TMEM164: variants seen among roughly 807,000 people sequenced by gnomAD.
TMEM164 encodes the protein transmembrane protein 164.
A neutral mutation model predicts 18.8 loss-of-function variants in TMEM164; 4 were observed. The observed-to-expected ratio is 0.21, with a 90% confidence interval of 0.10 to 0.49. TMEM164 has a LOEUF of 0.49. TMEM164 is among the 20% of genes least tolerant of loss of function. The pLI is 0.98. For missense variants in TMEM164, 108 were observed against 239.9 expected (o/e 0.45, Z 3.63); for synonymous variants, 86 against 101.7 (o/e 0.85, Z 0.93).
rs766492269 is a variant in TMEM164 at position 110,026,428 on chromosome X, G to A, written c.390+22264G>A. ...TGTGGGAGTTCAGTGCCCAGCCTTC[G>A]GGAAAACATGGGTAGGTTTCATTGG... On this transcript the variant is annotated intron_variant, in intron 2 of 6. Coordinates refer to ENST00000372068, the MANE Select transcript of TMEM164 (RefSeq NM_032227.4). 2.0e-4 allele frequency among the ~76,000 whole-genome samples: 22 copies of A among 111,168 alleles called. No homozygotes were observed. The South Asian group carries it at 3.0e-3, about 15-fold the overall frequency.
intron 4 of TMEM164, among the ~76,000 whole-genome samples, chrX:110,115,800 A>G (rs1411451705): frequency 8.9e-6 from 1 of 112,274 alleles, no homozygotes; most frequent in African/African-American, 3.2e-5. Flanking sequence ...TGAAAAAGGA[A>G]AAATCATGGT....
At chrX:110,071,425 G>A (rs1464839695) in intron 3 of TMEM164, among the ~76,000 whole-genome samples, 3 of 109,959 alleles carry the variant, frequency 2.7e-5, no homozygotes, top group Non-Finnish European at 5.7e-5. Flanking sequence ...TAGATTTTCT[G>A]GTTTTGAACT....
At chrX:110,026,328 G>A (rs1029045759) in intron 2 of TMEM164, among the ~76,000 whole-genome samples, 5 of 111,910 alleles carry the variant, frequency 4.5e-5, no homozygotes, top group African/African-American at 1.6e-4. Context: ...GAAATCTCCA[G>A]AGAAAAGGGC....
At chrX:110,016,563 A>C (rs1415404565) in intron 2 of TMEM164, among the ~76,000 whole-genome samples, 2 of 112,475 alleles carry the variant, frequency 1.8e-5, no homozygotes, top group Non-Finnish European at 3.8e-5. Context: ...ACATTTTTGA[A>C]TACACGTTAA....
At chrX:110,132,272 T>C (rs773899858) in intron 4 of TMEM164, among the ~76,000 whole-genome samples, 27 of 112,037 alleles carry the variant, frequency 2.4e-4, no homozygotes, top group African/African-American at 8.8e-4. Flanking sequence ...TAATTTTATT[T>C]ATGTGTGCAT....
chrX:110,042,678 C>T (rs1935147950), intron 2 of TMEM164, among the ~76,000 whole-genome samples: 1 of 112,186 alleles, frequency 8.9e-6, no homozygotes, highest in South Asian at 3.7e-4. Context: ...CATATCCTCA[C>T]CAGCACTTGT....
chrX:110,094,938 A>G (rs956353967), intron 3 of TMEM164, among the ~76,000 whole-genome samples: 1 of 111,347 alleles, frequency 9.0e-6, no homozygotes, highest in African/African-American at 3.3e-5. Context: ...TCACTTATGA[A>G]GCTTAGTTTG....
chrX:110,003,032 A>G (rs1602452615), upstream of TMEM164: 1 of 76,717 alleles, frequency 1.3e-5, no homozygotes, highest in African/African-American at 5.1e-5. Flanking sequence ...CGGAGGGTGG[A>G]GCTGGGGGTT....
At chrX:110,145,589 G>A (rs2066842197) in intron 5 of TMEM164, among the ~76,000 whole-genome samples, 1 of 112,011 alleles carries the variant, frequency 8.9e-6, no homozygotes, top group Admixed American at 9.4e-5. Flanking sequence ...AAGGCCCTGT[G>A]ACTGGAAGTC....
At position 110,109,938 on chromosome X, in the gene TMEM164, A is replaced by G. The variant is rs150850886; in HGVS notation, c.507+792A>G. ...AGAAATCACTTATAAAATTATTACTACTGCTTTCTGACTTAAATTTGCCTT... is the reference window on the plus strand; with the variant it reads ...AGAAATCACTTATAAAATTATTACTGCTGCTTTCTGACTTAAATTTGCCTT... On this transcript the variant is annotated intron_variant, in intron 4 of 6. Coordinates refer to ENST00000372068, the MANE Select transcript of TMEM164 (RefSeq NM_032227.4). Among the ~76,000 whole-genome samples, 408 of 112,680 alleles carry G rather than the reference A, an allele frequency of 3.6e-3. 4 individuals carry two copies. Among genetic ancestry groups the G allele is most frequent in the African/African-American group, 0.013 (392 of 31,058 alleles).
At chrX:110,009,577 A>G (rs1209264035) in intron 2 of TMEM164, among the ~76,000 whole-genome samples, 1 of 112,147 alleles carries the variant, frequency 8.9e-6, no homozygotes, top group Admixed American at 9.4e-5. Flanking sequence ...AGAGCTGAAT[A>G]TAATACTGTA....
intron 5 of TMEM164, among the ~76,000 whole-genome samples, chrX:110,148,675 ATTTTTT>A (rs373500523): frequency 3.1e-4 from 21 of 67,893 alleles, no homozygotes; most frequent in African/African-American, 9.8e-4. Context: ...CACCCGGCTC[ATTTTTT>A]TTTTTTTTTT....
intron 3 of TMEM164, among the ~76,000 whole-genome samples, chrX:110,093,583 CT>C (rs1430807080): frequency 1.8e-5 from 2 of 111,471 alleles, no homozygotes; most frequent in Non-Finnish European, 3.8e-5. Context: ...CTCTTTTCTT[CT>C]TTATTAGGCT....
At chrX:110,094,504 C>T (rs768453991) in intron 3 of TMEM164, among the ~76,000 whole-genome samples, 21 of 111,342 alleles carry the variant, frequency 1.9e-4, no homozygotes, top group African/African-American at 6.5e-4. Flanking sequence ...AGGATTGCAA[C>T]CCCTGCTTTT....
intron 3 of TMEM164, among the ~76,000 whole-genome samples, chrX:110,107,269 C>G (rs2066217776): frequency 9.0e-6 from 1 of 111,648 alleles, no homozygotes; most frequent in Admixed American, 9.5e-5. Context: ...GTTTTGAATT[C>G]TGACTCTACT....
In TMEM164 at chrX:110,092,970, T is replaced by C. The variant is rs764045842; in HGVS notation, c.441-16110T>C. Among the ~76,000 whole-genome samples the C allele has an allele frequency of 4.5e-5, 5 of 112,043 alleles. No individual in the cohort carries two copies. In the South Asian group the frequency reaches 1.9e-3, roughly 42 times the overall value. ...TTTTCTGCATCTATTGAGATAATCG[T>C]GTGGTTTTTGTCTTTGATTCTGTTT... On this transcript the variant is annotated intron_variant, in intron 3 of 6. Transcript: ENST00000372068.
At chrX:110,045,936 A>T (rs940787546) in intron 2 of TMEM164, 2 of 459,235 alleles carry the variant, frequency 4.4e-6, no homozygotes, top group Non-Finnish European at 2.7e-6. Flanking sequence ...CTACCCTAGG[A>T]TTCAAATGGG....
intron 3 of TMEM164, among the ~76,000 whole-genome samples, chrX:110,084,464 G>GTATATATATATAGTA (rs2065820520): frequency 4.9e-5 from 3 of 61,766 alleles, no homozygotes; most frequent in Non-Finnish European, 9.9e-5. Flanking sequence ...ATATAGTATA[G>GTATATATATATAGTA]TATATATATA....
At chrX:110,073,868 T>A (rs1473856994) in intron 3 of TMEM164, among the ~76,000 whole-genome samples, 1 of 111,001 alleles carries the variant, frequency 9.0e-6, no homozygotes, top group Non-Finnish European at 1.9e-5. Context: ...TGAGATGATA[T>A]GTCATTTTGT....
Sources: allele counts gnomAD v4.1 joint callset (sites outside exome capture counted in the v4.1 genomes callset), GRCh38; gene constraint gnomAD v4.1.1; transcripts MANE v1.5; gene names NCBI Gene and HGNC (gene_info 2026-07-23, HGNC 2026-07-21).